PIK3C2G: variants seen among roughly 807,000 people sequenced by gnomAD.
PIK3C2G encodes phosphatidylinositol 3-kinase C2 domain-containing subunit gamma.
A neutral mutation model predicts 181.1 loss-of-function variants in PIK3C2G; 168 were observed. That is an observed-to-expected ratio of 0.93 (90% confidence interval 0.82 to 1.05). The LOEUF is 1.05. Among genes scored for constraint, PIK3C2G ranks in the 50% least tolerant of loss-of-function variants. PIK3C2G has a pLI of 0.00. For synonymous variants in PIK3C2G, 573 were observed against 592.2 expected (o/e 0.97, Z 0.47); for missense variants, 1,869 against 1,732.8 (o/e 1.08, Z -1.40).
the PIK3C2G span, among the ~76,000 whole-genome samples, chr12:18,661,996 C>T: frequency 6.6e-6 from 1 of 152,086 alleles, no homozygotes; most frequent in Non-Finnish European, 1.5e-5. Context: ...GGGCCATTAT[C>T]CCATTATCCT....
chr12:18,381,549 T>C (rs1352046301), intron 13 of PIK3C2G, among the ~76,000 whole-genome samples: 1 of 152,226 alleles, frequency 6.6e-6, no homozygotes, highest in East Asian at 1.9e-4. Flanking sequence ...AAAATAAATG[T>C]AGGCATTTAT....
chr12:18,325,128 T>G lies in PIK3C2G; in HGVS notation c.1272+30T>G, dbSNP rs1291608718. ...TGACTTTTGTTACTTTATCCATCAA[T>G]TCAGTAAGCGTTTTTAACGCATCTA... On this transcript the variant is annotated intron_variant, in intron 8 of 32. Transcript: ENST00000538779. 3.9e-6 allele frequency: 5 copies of G among 1,293,294 alleles called. No individual in the cohort carries two copies. In the Admixed American group the frequency reaches 1.0e-4, roughly 27 times the overall value. 80.1% of individuals were successfully genotyped at this position (1,293,294 alleles called of 1,614,324 possible).
At chr12:18,333,596 C>A (rs1938206514) in intron 8 of PIK3C2G, among the ~76,000 whole-genome samples, 1 of 152,090 alleles carries the variant, frequency 6.6e-6, no homozygotes, top group Admixed American at 6.6e-5. Flanking sequence ...CAGCTTCATC[C>A]ATGTCCCTGC....
chr12:18,702,349 G>A, the PIK3C2G span, among the ~76,000 whole-genome samples: 2 of 152,026 alleles, frequency 1.3e-5, no homozygotes, highest in African/African-American at 4.8e-5. Flanking sequence ...TTTACCATCA[G>A]TGTCACTTGT....
At chr12:18,538,042 C>A (rs1170750089) in intron 24 of PIK3C2G, 114 bp from the exon 25 acceptor site, 36 of 913,606 alleles carry the variant, frequency 3.9e-5, no homozygotes, top group Non-Finnish European at 5.7e-5. Flanking sequence ...TTATCTATTA[C>A]AGTAGAGAAA....
At chr12:18,512,054 A>G (rs554251665) in intron 24 of PIK3C2G, among the ~76,000 whole-genome samples, 57 of 152,056 alleles carry the variant, frequency 3.7e-4, no homozygotes, top group Non-Finnish European at 7.8e-4. Flanking sequence ...ATCAAACACA[A>G]TTTATTGAAA....
intron 7 of PIK3C2G, among the ~76,000 whole-genome samples, chr12:18,323,367 G>A (rs373734199): frequency 7.9e-5 from 12 of 152,234 alleles, no homozygotes; most frequent in East Asian, 5.8e-4. Context: ...CTGTGGTAAG[G>A]AAACTAAAAA....
intron 31 of PIK3C2G, among the ~76,000 whole-genome samples, chr12:18,613,655 T>A (rs1948454742): frequency 6.6e-6 from 1 of 152,096 alleles, no homozygotes; most frequent in Admixed American, 6.6e-5. Flanking sequence ...AGGCATCTCT[T>A]GGTCCCATGG....
intron 29 of PIK3C2G, among the ~76,000 whole-genome samples, chr12:18,569,522 A>T (rs1053095294): frequency 1.3e-5 from 2 of 152,122 alleles, no homozygotes; most frequent in East Asian, 3.9e-4. Context: ...TTATCTGTAG[A>T]TACTTCTCTA....
chr12:18,699,656 C>T, the PIK3C2G span: 1 of 917,786 alleles, frequency 1.1e-6, no homozygotes, highest in East Asian at 2.6e-5. Flanking sequence ...AGGTATGTAA[C>T]CCCATTCTAA....
At chr12:18,500,059 C>T (rs1268261161) in intron 22 of PIK3C2G, among the ~76,000 whole-genome samples, 5 of 152,156 alleles carry the variant, frequency 3.3e-5, no homozygotes, top group Non-Finnish European at 7.3e-5. Flanking sequence ...CTTGAGGAGC[C>T]CTTCAGCCGG....
At chr12:18,339,214 A>G (rs150511654) in intron 9 of PIK3C2G, among the ~76,000 whole-genome samples, 1 of 152,250 alleles carries the variant, frequency 6.6e-6, no homozygotes, top group East Asian at 1.9e-4. Context: ...CAATAAATTC[A>G]TTTATCTTAT....
intron 24 of PIK3C2G, among the ~76,000 whole-genome samples, chr12:18,518,162 T>C (rs561350276): frequency 2.6e-5 from 4 of 152,340 alleles, no homozygotes; most frequent in African/African-American, 9.6e-5. Context: ...GATTTTCGCA[T>C]TGATGTTCAT....
chr12:18,490,294 A>G (rs1032451556), intron 19 of PIK3C2G, among the ~76,000 whole-genome samples: 8 of 152,274 alleles, frequency 5.3e-5, no homozygotes, highest in Middle Eastern at 3.4e-3. Context: ...ATTATTTGCC[A>G]ATAAGCCAGG....
At chr12:18,330,693 A>G (rs150250318) in intron 8 of PIK3C2G, among the ~76,000 whole-genome samples, 66 of 152,258 alleles carry the variant, frequency 4.3e-4, no homozygotes, top group African/African-American at 1.5e-3. Flanking sequence ...CTGGGTATCA[A>G]TGAGAGGCCA....
At chr12:18,582,334 A>T (rs961992933) in intron 29 of PIK3C2G, among the ~76,000 whole-genome samples, 7 of 152,096 alleles carry the variant, frequency 4.6e-5, no homozygotes, top group Admixed American at 2.6e-4. Flanking sequence ...TAAGTGAGTG[A>T]GCAAACCCCA....
At chr12:18,564,464 C>T (rs1245984617) in intron 28 of PIK3C2G, among the ~76,000 whole-genome samples, 1 of 150,212 alleles carries the variant, frequency 6.7e-6, no homozygotes, top group African/African-American at 2.5e-5. Context: ...AGGATTTAGT[C>T]ACCTTCCAAA....
At chr12:18,256,716 T>G (rs1351988446), upstream of PIK3C2G, among the ~76,000 whole-genome samples, 2 of 152,172 alleles carry the variant, frequency 1.3e-5, no homozygotes, top group Non-Finnish European at 2.9e-5. Context: ...GACAGTTTTA[T>G]GAAATGCTTT....
At chr12:18,618,587 C>A (rs1346105373) in intron 31 of PIK3C2G, among the ~76,000 whole-genome samples, 2 of 151,954 alleles carry the variant, frequency 1.3e-5, no homozygotes, top group Non-Finnish European at 2.9e-5. Flanking sequence ...TTATATAATA[C>A]CCAGGAAAAT....
Sources: gnomAD v4.1 joint callset for allele counts (sites outside exome capture counted in the v4.1 genomes callset) on GRCh38, gnomAD v4.1.1 for gene constraint, MANE v1.5 for transcripts, NCBI Gene and HGNC (gene_info 2026-07-23, HGNC 2026-07-21) for gene names.